EFCAB11: variants seen among roughly 807,000 people sequenced by gnomAD.
The protein encoded by EFCAB11 is EF-hand calcium-binding domain-containing protein 11.
In EFCAB11, 14 loss-of-function variants were observed where a neutral mutation model predicts 23.0. That is an observed-to-expected ratio of 0.61 (90% CI 0.40 to 0.95). The LOEUF is 0.95. Among genes scored for constraint, EFCAB11 ranks in the 40% least tolerant of loss-of-function variants. The pLI is 0.00. For synonymous variants in EFCAB11, 65 were observed against 66.6 expected, an observed-to-expected ratio of 0.98 and a Z score of 0.11; for missense variants, 198 against 195.8, an observed-to-expected ratio of 1.01 and a Z score of -0.07.
intron 5 of EFCAB11, chr14:89,924,660 C>A: frequency 5.2e-6 from 8 of 1,535,770 alleles, no homozygotes; most frequent in Non-Finnish European, 7.0e-6. Flanking sequence ...GAAGTTAAAT[C>A]ATGCACTGAA....
intron 5 of EFCAB11, among the ~76,000 whole-genome samples, chr14:89,915,445 T>C (rs954159962): frequency 1.3e-5 from 2 of 151,958 alleles, no homozygotes; most frequent in African/African-American, 4.8e-5. Flanking sequence ...CTTAGCAGAG[T>C]TTTTGGCACC....
At chr14:89,826,133 G>A (rs959909346) in intron 5 of EFCAB11, among the ~76,000 whole-genome samples, 2 of 151,912 alleles carry the variant, frequency 1.3e-5, no homozygotes, top group African/African-American at 4.8e-5. Flanking sequence ...TATACATTTA[G>A]AATTATTATG....
chr14:89,953,050 A>T (rs1270246477), intron 2 of EFCAB11, among the ~76,000 whole-genome samples: 1 of 152,202 alleles, frequency 6.6e-6, no homozygotes, highest in Admixed American at 6.5e-5. Flanking sequence ...AACTCTCATT[A>T]TTGGTGAATT....
intron 5 of EFCAB11, chr14:89,924,634 C>T (rs1433226037): frequency 6.5e-7 from 1 of 1,535,550 alleles, no homozygotes; most frequent in Non-Finnish European, 8.7e-7. Context: ...TTTAAGTCAG[C>T]TTCCTGATGA....
intron 5 of EFCAB11, among the ~76,000 whole-genome samples, chr14:89,818,841 C>T (rs1001326257): frequency 4.6e-5 from 7 of 152,130 alleles, no homozygotes; most frequent in African/African-American, 1.7e-4. Context: ...CACTACATGC[C>T]TATAAAAATG....
At chr14:89,855,611 AT>A (rs35306166) in intron 5 of EFCAB11, among the ~76,000 whole-genome samples, 2 of 152,084 alleles carry the variant, frequency 1.3e-5, no homozygotes, top group Admixed American at 1.3e-4. Context: ...ACAGTTACCC[AT>A]TTTTTTGTTT....
chr14:89,907,185 T>C, intron 5 of EFCAB11, among the ~76,000 whole-genome samples: 1 of 152,128 alleles, frequency 6.6e-6, no homozygotes. Flanking sequence ...CACCCCATGA[T>C]GGAGAAGAAA....
intron 5 of EFCAB11, among the ~76,000 whole-genome samples, chr14:89,802,134 T>C (rs868829335): frequency 1.5e-4 from 22 of 151,348 alleles, no homozygotes; most frequent in Non-Finnish European, 1.6e-4. Context: ...TGTAAAATTA[T>C]TCAGGAGTAC....
chr14:89,848,822 G>C (rs1887509266), intron 5 of EFCAB11: 1 of 152,254 alleles, frequency 6.6e-6, no homozygotes, highest in Non-Finnish European at 1.5e-5. Context: ...AACTACTCAG[G>C]AGGCTGATGC....
chr14:89,922,498 G>A (rs1890051517), intron 5 of EFCAB11, among the ~76,000 whole-genome samples: 1 of 152,188 alleles, frequency 6.6e-6, no homozygotes, highest in Middle Eastern at 3.2e-3. Flanking sequence ...TCACTGATTT[G>A]TGGAAAAATG....
intron 5 of EFCAB11, among the ~76,000 whole-genome samples, chr14:89,865,452 C>T (rs188963180): frequency 6.6e-5 from 10 of 151,640 alleles, no homozygotes; most frequent in African/African-American, 1.7e-4. Context: ...GGATGCTATG[C>T]GGGGAGAGAG....
chr14:89,878,799 C>A (rs1042681378), intron 5 of EFCAB11, among the ~76,000 whole-genome samples: 2 of 152,060 alleles, frequency 1.3e-5, no homozygotes, highest in Non-Finnish European at 2.9e-5. Context: ...GGTCTAAATT[C>A]ATTTTCTTTC....
At chr14:89,879,832 C>T (rs189211198) in intron 5 of EFCAB11, among the ~76,000 whole-genome samples, 1 of 152,282 alleles carries the variant, frequency 6.6e-6, no homozygotes, top group Non-Finnish European at 1.5e-5. Flanking sequence ...TATAAGCCTG[C>T]ATTTTCTAAT....
At chr14:89,937,192 A>C (rs938337391) in intron 3 of EFCAB11, among the ~76,000 whole-genome samples, 3 of 152,062 alleles carry the variant, frequency 2.0e-5, no homozygotes, top group Admixed American at 6.6e-5. Flanking sequence ...GGGTCATTAG[A>C]CTCTATCAAT....
intron 5 of EFCAB11, among the ~76,000 whole-genome samples, chr14:89,847,741 C>CAAAAAAA (rs561016492): frequency 7.6e-5 from 7 of 92,028 alleles, no homozygotes; most frequent in East Asian, 3.1e-4. Flanking sequence ...CTCTGTCTCA[C>CAAAAAAA]AAAAAAAAAA....
intron 5 of EFCAB11, among the ~76,000 whole-genome samples, chr14:89,829,562 G>A (rs1464233640): frequency 1.3e-5 from 2 of 152,132 alleles, no homozygotes; most frequent in African/African-American, 4.8e-5. Flanking sequence ...TGGACAAAGA[G>A]GATTGTTTAT....
At chr14:89,941,953 T>C (rs1890810174) in intron 3 of EFCAB11, among the ~76,000 whole-genome samples, 1 of 152,150 alleles carries the variant, frequency 6.6e-6, no homozygotes, top group South Asian at 2.1e-4. Flanking sequence ...GGCAGGGGCC[T>C]GGTGGGAGGT....
chr14:89,821,270 C>T (rs569974297), intron 5 of EFCAB11, among the ~76,000 whole-genome samples: 37 of 152,182 alleles, frequency 2.4e-4, no homozygotes, highest in African/African-American at 8.4e-4. Context: ...CTGAGATCTC[C>T]CAAAGAAGAG....
intron 5 of EFCAB11, among the ~76,000 whole-genome samples, chr14:89,913,550 G>A (rs569944208): frequency 1.2e-4 from 19 of 152,162 alleles, no homozygotes; most frequent in African/African-American, 4.6e-4. Context: ...AAATCTTAAG[G>A]GTCTGAATCT....
Sources: gnomAD v4.1 joint callset for allele counts (sites outside exome capture counted in the v4.1 genomes callset) on GRCh38, gnomAD v4.1.1 for gene constraint, MANE v1.5 for transcripts, NCBI Gene and HGNC (gene_info 2026-07-23, HGNC 2026-07-21) for gene names.